FGD4: variants seen among roughly 807,000 people sequenced by gnomAD.
FGD4 encodes the protein FYVE, RhoGEF and PH domain-containing protein 4.
FGD4 carries 42 observed loss-of-function variants against 102.0 expected under a neutral mutation model. The observed-to-expected ratio is 0.41, with a 90% confidence interval of 0.32 to 0.53. FGD4 has a LOEUF of 0.53. FGD4 is among the 20% of genes least tolerant of loss of function. FGD4 has a pLI of 0.21. For synonymous variants in FGD4, 380 were observed against 375.7 expected (o/e 1.01, Z -0.13); for missense variants, 902 against 1,078.2 (o/e 0.84, Z 2.29).
chr12:32,527,191 A>G (rs1452225555), intron 1 of FGD4, among the ~76,000 whole-genome samples: 4 of 152,246 alleles, frequency 2.6e-5, no homozygotes, highest in African/African-American at 9.6e-5. Flanking sequence ...CTTTTAAAAA[A>G]TAATAAAATT....
At position 32,600,584 on chromosome 12, in the gene FGD4, CTTTCTTTCTTT is replaced by C. The variant is rs1948335920; in HGVS notation, c.1102-690_1102-680del. ...GTTTTTTGTTTTTCTTTCTTTCTTT[CTTTCTTTCTTT>C]TTTTTTTTTTTGTCTTCAAGGTACG... On this transcript the variant is annotated intron_variant, in intron 5 of 16. Transcript: ENST00000534526. 3 of 269,698 alleles carry C rather than the reference CTTTCTTTCTTT, an allele frequency of 1.1e-5. No individual in the cohort carries two copies. In the South Asian group the frequency reaches 2.4e-4, roughly 22 times the overall value. 16.7% of individuals were successfully genotyped at this position (269,698 alleles called of 1,614,324 possible). A position where few individuals can be genotyped will look rare whatever the true frequency, so the allele number is the denominator to read the frequency against.
chr12:32,424,483 G>C (rs1941760498), intron 1 of FGD4, among the ~76,000 whole-genome samples: 1 of 152,094 alleles, frequency 6.6e-6, no homozygotes, highest in Non-Finnish European at 1.5e-5. Context: ...ATGGACATTT[G>C]GGTTGGTTCC....
At chr12:32,461,701 T>C (rs7297833) in intron 1 of FGD4, among the ~76,000 whole-genome samples, 41,451 of 152,014 alleles carry the variant, frequency 0.27, 6,099 homozygotes, top group East Asian at 0.45. Flanking sequence ...GTGACTGTTA[T>C]CCTTTCTTTT....
intron 1 of FGD4, among the ~76,000 whole-genome samples, chr12:32,476,949 G>T (rs963459469): frequency 1.3e-5 from 2 of 152,098 alleles, no homozygotes; most frequent in Non-Finnish European, 2.9e-5. Context: ...AGACACTCTT[G>T]GCTTAAGGTT....
chr12:32,496,729 G>A (rs1039211410), intron 1 of FGD4, among the ~76,000 whole-genome samples: 15 of 151,836 alleles, frequency 9.9e-5, no homozygotes, highest in African/African-American at 3.6e-4. Context: ...ATTTTCTTAA[G>A]GAAAGAAGAA....
At chr12:32,400,886 A>G (rs202080540) in intron 1 of FGD4, among the ~76,000 whole-genome samples, 11 of 151,840 alleles carry the variant, frequency 7.2e-5, no homozygotes, top group African/African-American at 2.7e-4. Flanking sequence ...GAGCTTTTAA[A>G]TTCCCTTTTA....
intron 1 of FGD4, among the ~76,000 whole-genome samples, chr12:32,485,510 G>T (rs1240216353): frequency 6.8e-6 from 1 of 146,232 alleles, no homozygotes; most frequent in Non-Finnish European, 1.5e-5. Context: ...GCGGGATCTG[G>T]GCTCACTGCA....
intron 3 of FGD4, among the ~76,000 whole-genome samples, chr12:32,577,109 T>C (rs1168988038): frequency 6.6e-6 from 1 of 152,186 alleles, no homozygotes; most frequent in Non-Finnish European, 1.5e-5. Context: ...AAATATTATA[T>C]TTCTCATTTA....
chr12:32,554,287 A>G (rs1943927039), intron 1 of FGD4, among the ~76,000 whole-genome samples: 1 of 152,060 alleles, frequency 6.6e-6, no homozygotes, highest in Non-Finnish European at 1.5e-5. Context: ...CTGAATATTG[A>G]GGATTTTGGT....
intron 2 of FGD4, among the ~76,000 whole-genome samples, chr12:32,568,404 T>G (rs183226953): frequency 2.5e-4 from 38 of 152,366 alleles, no homozygotes; most frequent in African/African-American, 9.1e-4. Flanking sequence ...CCAATCCTAA[T>G]AGTCAAACAA....
chr12:32,565,216 C>T (rs1945086911), intron 2 of FGD4, among the ~76,000 whole-genome samples: 1 of 152,072 alleles, frequency 6.6e-6, no homozygotes, highest in South Asian at 2.1e-4. Context: ...TTAAGGATTT[C>T]TGAAAGAAAA....
chr12:32,426,821 A>G (rs2389036), intron 1 of FGD4, among the ~76,000 whole-genome samples: 59,683 of 149,666 alleles, frequency 0.4, 12,298 homozygotes, highest in African/African-American at 0.5. Context: ...GAATTTATCA[A>G]TTTCTTCTAG....
At chr12:32,525,341 A>C (rs529261117) in intron 1 of FGD4, among the ~76,000 whole-genome samples, 48 of 152,240 alleles carry the variant, frequency 3.2e-4, no homozygotes, top group Non-Finnish European at 5.9e-4. Flanking sequence ...CACACCACAT[A>C]TGGCTATGTG....
chr12:32,427,004 A>G (rs2136428387), intron 1 of FGD4, among the ~76,000 whole-genome samples: 1 of 151,948 alleles, frequency 6.6e-6, no homozygotes, highest in South Asian at 2.1e-4. Flanking sequence ...ATCTTTTAAA[A>G]AAAACCAGCT....
chr12:32,570,240 C>CAAA (rs150913094), intron 2 of FGD4, among the ~76,000 whole-genome samples: 11,873 of 67,216 alleles, frequency 0.18, 1,161 homozygotes, highest in Middle Eastern at 0.22. Flanking sequence ...GACGCTGTCT[C>CAAA]AAAAAAAAAA....
chr12:32,606,142 G>A (rs61926194), intron 7 of FGD4, among the ~76,000 whole-genome samples: 1,713 of 152,228 alleles, frequency 0.011, 19 homozygotes, highest in South Asian at 0.057. Flanking sequence ...CTTGATGTAC[G>A]TAATAGATTT....
At chr12:32,626,823 A>G (rs1035103126) in intron 14 of FGD4, among the ~76,000 whole-genome samples, 6 of 151,830 alleles carry the variant, frequency 4.0e-5, no homozygotes, top group African/African-American at 1.5e-4. Context: ...TTTAGGTGCA[A>G]TATCTATTTA....
chr12:32,577,936 G>A (rs538741572), intron 3 of FGD4, among the ~76,000 whole-genome samples: 78 of 152,200 alleles, frequency 5.1e-4, no homozygotes, highest in African/African-American at 1.8e-3. Context: ...GCCTGGAAAG[G>A]GTCAGTATTC....
intron 1 of FGD4, among the ~76,000 whole-genome samples, chr12:32,407,162 G>T (rs1220578236): frequency 1.8e-3 from 187 of 102,024 alleles, no homozygotes; most frequent in African/African-American, 6.9e-3. Flanking sequence ...TCTCACTCTT[G>T]TTCCCCAGGC....
Sources: gnomAD v4.1 joint callset for allele counts (sites outside exome capture counted in the v4.1 genomes callset) on GRCh38, gnomAD v4.1.1 for gene constraint, MANE v1.5 for transcripts, NCBI Gene and HGNC (gene_info 2026-07-23, HGNC 2026-07-21) for gene names.